Variants in PLA2G4A observed in about 807,000 individuals in gnomAD.
PLA2G4A encodes phospholipase A2 group IVA, also known as cytosolic phospholipase A2.
Under a neutral mutation model 81.9 loss-of-function variants are expected in PLA2G4A, and 40 were observed. The ratio of observed to expected loss-of-function variants is 0.49; its 90% CI spans 0.38 to 0.64. PLA2G4A has a LOEUF of 0.64. PLA2G4A is among the 30% of genes least tolerant of loss of function. PLA2G4A has a pLI of 0.00. For synonymous variants in PLA2G4A, 302 were observed against 296.9 expected (o/e 1.02, Z -0.18); for missense variants, 715 against 905.1 (o/e 0.79, Z 2.69).
At chr1:186,829,228 A>G (rs1429626488) in intron 1 of PLA2G4A, among the ~76,000 whole-genome samples, 193 bp downstream of exon 1, 1 of 152,188 alleles carries the variant, frequency 6.6e-6, no homozygotes, top group East Asian at 1.9e-4. Context: ...AATTTTCTTC[A>G]AACCCACGCA....
At chr1:186,986,655 C>T (rs750675734) in intron 17 of PLA2G4A, among the ~76,000 whole-genome samples, 2 of 152,142 alleles carry the variant, frequency 1.3e-5, no homozygotes, top group African/African-American at 2.4e-5. Flanking sequence ...AAATAACAAG[C>T]GTAACAGCTG....
chr1:186,890,727 G>A (rs1413711957), intron 3 of PLA2G4A, among the ~76,000 whole-genome samples: 1 of 151,886 alleles, frequency 6.6e-6, no homozygotes, highest in Non-Finnish European at 1.5e-5. Flanking sequence ...AGTGGCATGT[G>A]CCTGTAATCC....
chr1:186,885,164 C>G (rs1027175475), intron 3 of PLA2G4A, among the ~76,000 whole-genome samples: 6 of 152,110 alleles, frequency 3.9e-5, no homozygotes, highest in African/African-American at 1.4e-4. Flanking sequence ...ACAGCCAGCA[C>G]CTTCATCACG....
intron 8 of PLA2G4A, among the ~76,000 whole-genome samples, chr1:186,934,461 T>TATATATATATATATAC (rs1553216883): frequency 3.6e-5 from 5 of 137,688 alleles, no homozygotes; most frequent in African/African-American, 1.1e-4. Context: ...TATATATATA[T>TATATATATATATATAC]ATACATACAC....
At chr1:186,847,670 G>A (rs1652230817) in intron 1 of PLA2G4A, among the ~76,000 whole-genome samples, 1 of 152,054 alleles carries the variant, frequency 6.6e-6, no homozygotes, top group Non-Finnish European at 1.5e-5. Context: ...TAAAAGCATT[G>A]AAATAGTAGA....
intron 12 of PLA2G4A, among the ~76,000 whole-genome samples, chr1:186,949,443 TAAGG>T (rs1197669784): frequency 6.7e-6 from 1 of 148,834 alleles, no homozygotes; most frequent in Non-Finnish European, 1.5e-5. Context: ...AGAAAATACT[TAAGG>T]AAGGAAAAGA....
intron 3 of PLA2G4A, among the ~76,000 whole-genome samples, chr1:186,885,210 C>A (rs1350625765): frequency 6.6e-6 from 1 of 152,096 alleles, no homozygotes; most frequent in Non-Finnish European, 1.5e-5. Context: ...TGCAGGGCAA[C>A]AGTCTGAGAA....
intron 2 of PLA2G4A, among the ~76,000 whole-genome samples, chr1:186,867,033 T>C (rs1252257858): frequency 6.6e-6 from 1 of 152,174 alleles, no homozygotes; most frequent in East Asian, 1.9e-4. Flanking sequence ...TCTGTTCCAT[T>C]GATCTGGTTT....
At chr1:186,881,587 G>A (rs1328946070) in intron 3 of PLA2G4A, among the ~76,000 whole-genome samples, 1 of 152,026 alleles carries the variant, frequency 6.6e-6, no homozygotes, top group Admixed American at 6.6e-5. Flanking sequence ...GTGGCACTCT[G>A]CCTATTCCTT....
At chr1:186,852,546 G>A (rs904378593) in intron 1 of PLA2G4A, among the ~76,000 whole-genome samples, 9 of 152,040 alleles carry the variant, frequency 5.9e-5, no homozygotes, top group African/African-American at 1.9e-4. Context: ...GGTGCCTGGT[G>A]AGGCTATTCT....
chr1:186,870,213 G>C (rs1653203313), intron 2 of PLA2G4A, among the ~76,000 whole-genome samples: 1 of 152,100 alleles, frequency 6.6e-6, no homozygotes, highest in Admixed American at 6.5e-5. Flanking sequence ...CTGCAAAGAA[G>C]TGCTCATAGT....
intron 3 of PLA2G4A, among the ~76,000 whole-genome samples, chr1:186,881,596 T>C (rs1232090590): frequency 1.3e-5 from 2 of 152,120 alleles, no homozygotes; most frequent in African/African-American, 2.4e-5. Context: ...TGCCTATTCC[T>C]TGGAGTTATT....
Position 186,909,498 on chromosome 1 carries a change from T to C in PLA2G4A, c.417-1750T>C, listed in dbSNP as rs570148855. On this transcript the variant is annotated intron_variant, in intron 6 of 17. Coordinates refer to ENST00000367466, the MANE Select transcript of PLA2G4A (RefSeq NM_024420.3). ...CAACATGGAGAAACCCTGTCTCTAC[T>C]AAAAATACAAAATTAGCCAGGTGTA... Among the ~76,000 whole-genome samples, 5 of 150,906 alleles carry C rather than the reference T, an allele frequency of 3.3e-5. No homozygotes were observed. The East Asian group carries it at 9.9e-4, about 30-fold the overall frequency.
intron 12 of PLA2G4A, 39 bp from the exon 13 acceptor site, chr1:186,950,618 C>T: frequency 9.3e-7 from 1 of 1,076,252 alleles, no homozygotes; most frequent in Non-Finnish European, 1.4e-6. Context: ...TTAATTTTGA[C>T]ACCTGAAATG....
rs12720693 is a variant in PLA2G4A at position 186,979,930 on chromosome 1, G to A, written c.2118+458G>A. On this transcript the variant is annotated intron_variant, in intron 17 of 17. Transcript: ENST00000367466. Reference sequence around the variant, plus strand: ...GAATTTGAGAGCAGCATCACAAAACGTAACAGCATTTCCTTTTTTTTTTTT... The same window carrying A: ...GAATTTGAGAGCAGCATCACAAAACATAACAGCATTTCCTTTTTTTTTTTT... Among the ~76,000 whole-genome samples the A allele has an allele frequency of 1.0e-3, 147 of 145,574 alleles. 1 individual carries two copies. Among genetic ancestry groups the A allele is most frequent in the African/African-American group, 3.6e-3 (143 of 40,066 alleles).
intron 3 of PLA2G4A, among the ~76,000 whole-genome samples, chr1:186,871,158 A>T (rs1653253004): frequency 6.6e-6 from 1 of 152,168 alleles, no homozygotes; most frequent in Non-Finnish European, 1.5e-5. Flanking sequence ...GAATAGCCAT[A>T]GAAACTGGTA....
chr1:186,946,533 T>G, intron 10 of PLA2G4A, 104 bp from the exon 11 acceptor site: 1 of 837,964 alleles, frequency 1.2e-6, no homozygotes, highest in Non-Finnish European at 2.1e-6. Flanking sequence ...TTTAAATACA[T>G]GAATGAGAAT....
At chr1:186,983,957 G>T (rs1405752586) in intron 17 of PLA2G4A, among the ~76,000 whole-genome samples, 1 of 152,080 alleles carries the variant, frequency 6.6e-6, no homozygotes, top group Non-Finnish European at 1.5e-5. Flanking sequence ...TAACTTAAGG[G>T]CTTGGCATGA....
intron 5 of PLA2G4A, among the ~76,000 whole-genome samples, chr1:186,906,150 CT>C (rs1341680398): frequency 2.0e-5 from 3 of 152,162 alleles, no homozygotes; most frequent in Non-Finnish European, 2.9e-5. Context: ...TGTGTAGCAA[CT>C]TTCAAAGCAT....
Sources: allele counts gnomAD v4.1 joint callset (sites outside exome capture counted in the v4.1 genomes callset), GRCh38; gene constraint gnomAD v4.1.1; transcripts MANE v1.5; gene names NCBI Gene and HGNC (gene_info 2026-07-23, HGNC 2026-07-21).